Variants in CECR2 observed in about 807,000 individuals in gnomAD.
CECR2 encodes the protein CECR2 histone acetyl-lysine reader.
Under a neutral mutation model 154.5 loss-of-function variants are expected in CECR2, and 30 were observed. The ratio of observed to expected loss-of-function variants is 0.19; its 90% CI spans 0.15 to 0.26. CECR2 has a LOEUF of 0.26. Ranked by LOEUF, CECR2 falls within the 10% of genes least tolerant of loss-of-function variation. The pLI, the probability that CECR2 is intolerant of heterozygous loss-of-function variation, is 1.00. For missense variants in CECR2, 1,743 were observed against 1,829.3 expected, an observed-to-expected ratio of 0.95 and a Z score of 0.86; for synonymous variants, 725 against 683.7, an observed-to-expected ratio of 1.06 and a Z score of -0.94.
At position 17,549,783 on chromosome 22, in the gene CECR2, G is replaced by GTTTTTT. The variant is rs1491166897; in HGVS notation, c.4277+219_4277+220insTTTTTT. Among the ~76,000 whole-genome samples, 24 of 88,826 alleles carry GTTTTTT rather than the reference G, an allele frequency of 2.7e-4. 9 individuals are homozygous for GTTTTTT. The highest frequency in any genetic ancestry group is 2.8e-4 in the Admixed American group (2 of 7,076). 58.3% of individuals were successfully genotyped at this position (88,826 alleles called of 152,430 possible). On this transcript the variant is annotated intron_variant, in intron 17 of 18. Transcript: ENST00000262608. ...TGCCACCACACCCAGCTAACTTTTT[G>GTTTTTT]GTTTTTTTTTTTTTTTTTTTTTGGT...
chr22:17,522,855 A>C (rs545026643), intron 8 of CECR2, among the ~76,000 whole-genome samples: 2 of 152,138 alleles, frequency 1.3e-5, no homozygotes, highest in Non-Finnish European at 2.9e-5. Flanking sequence ...AAATACAAAA[A>C]TTAGCTAGGC....
chr22:17,481,875 G>A (rs918155131), intron 2 of CECR2, among the ~76,000 whole-genome samples: 3 of 152,082 alleles, frequency 2.0e-5, no homozygotes, highest in African/African-American at 7.2e-5. Flanking sequence ...CTAGCACTTT[G>A]GGAGGCCGAG....
intron 7 of CECR2, among the ~76,000 whole-genome samples, chr22:17,506,978 GGTT>G (rs1223766256): frequency 6.6e-6 from 1 of 152,048 alleles, no homozygotes; most frequent in Non-Finnish European, 1.5e-5. Context: ...TATGGTGGTT[GGTT>G]GATAATTATT....
chr22:17,396,487 C>T (rs1012663570), intron 1 of CECR2, among the ~76,000 whole-genome samples: 2 of 152,130 alleles, frequency 1.3e-5, no homozygotes, highest in Non-Finnish European at 1.5e-5. Flanking sequence ...GCGGAGGTTG[C>T]GGTGAGCCGG....
At position 17,553,011 on chromosome 22, in the gene CECR2, T is replaced by C; in HGVS notation, c.*171T>C. ...CCAGTCACGGGCCCTAAAAGGACAC[T>C]CCTTAGATGACTGACACACAGATTG... On this transcript the variant is annotated 3_prime_UTR_variant, in exon 19 of 19. Coordinates refer to ENST00000262608, the MANE Select transcript of CECR2 (RefSeq NM_001290047.2). The C allele has an allele frequency of 7.1e-7, 1 of 1,409,366 alleles. No homozygotes were observed. The highest frequency in any genetic ancestry group is 9.2e-7 in the Non-Finnish European group (1 of 1,081,128). The allele number at this position is 1,409,366 out of a possible 1,614,324, so 87.3% of individuals were successfully genotyped here.
chr22:17,426,735 T>A (rs931484954), intron 1 of CECR2, among the ~76,000 whole-genome samples: 8 of 152,218 alleles, frequency 5.3e-5, no homozygotes, highest in African/African-American at 1.9e-4. Flanking sequence ...TCTTTTTCTG[T>A]AGATTTTCCC....
intron 10 of CECR2, among the ~76,000 whole-genome samples, chr22:17,537,989 G>A (rs1361623267): frequency 2.1e-5 from 3 of 145,774 alleles, no homozygotes; most frequent in African/African-American, 5.1e-5. Context: ...GTGAGACTCC[G>A]TCCAAAAAAA....
At chr22:17,436,826 G>C (rs1053957747) in intron 1 of CECR2, among the ~76,000 whole-genome samples, 1 of 152,202 alleles carries the variant, frequency 6.6e-6, no homozygotes, top group African/African-American at 2.4e-5. Context: ...GTTTCCTTAA[G>C]TGAGCTAAGC....
At chr22:17,523,237 G>T (rs1363224965) in intron 8 of CECR2, among the ~76,000 whole-genome samples, 1 of 151,954 alleles carries the variant, frequency 6.6e-6, no homozygotes, top group Non-Finnish European at 1.5e-5. Flanking sequence ...ACAAAAATTA[G>T]CTGGGCGTGG....
At chr22:17,500,165 C>T (rs969742483) in intron 4 of CECR2, among the ~76,000 whole-genome samples, 10 of 146,936 alleles carry the variant, frequency 6.8e-5, no homozygotes, top group Non-Finnish European at 1.2e-4. Flanking sequence ...GAGCCGAGAT[C>T]GCACCACTGC....
At chr22:17,455,947 T>C (rs906073887) in intron 1 of CECR2, among the ~76,000 whole-genome samples, 1 of 152,126 alleles carries the variant, frequency 6.6e-6, no homozygotes, top group Admixed American at 6.6e-5. Context: ...AGTGAAGGTA[T>C]TAGCTGAGGC....
intron 3 of CECR2, 28 bp downstream of exon 3, chr22:17,497,614 G>A (rs2055654879): frequency 6.2e-7 from 1 of 1,606,050 alleles, no homozygotes; most frequent in East Asian, 2.2e-5. Flanking sequence ...ACCTTTCCCT[G>A]TAGCTGTGAA....
chr22:17,387,423 G>T (rs1193892072), intron 1 of CECR2, among the ~76,000 whole-genome samples: 3 of 152,208 alleles, frequency 2.0e-5, no homozygotes, highest in Non-Finnish European at 4.4e-5. Context: ...AAGCTGAAAG[G>T]TCATGGTGAG....
At chr22:17,392,697 C>A (rs1479001123) in intron 1 of CECR2, among the ~76,000 whole-genome samples, 3 of 150,852 alleles carry the variant, frequency 2.0e-5, no homozygotes, top group South Asian at 4.2e-4. Context: ...AAAAAAAAAA[C>A]AGCTTTATTG....
rs571465682 is a variant in CECR2 at position 17,527,445 on chromosome 22, G to A, written c.1108+3174G>A. On this transcript the variant is annotated intron_variant, in intron 9 of 18. Coordinates refer to ENST00000262608, the MANE Select transcript of CECR2 (RefSeq NM_001290047.2). Reference sequence around the variant, plus strand: ...TGCACTCCATCCTGGGCAATAGAGCGAGACCCTGTCTCAAAAAAATAAAAA... The same window carrying A: ...TGCACTCCATCCTGGGCAATAGAGCAAGACCCTGTCTCAAAAAAATAAAAA... 5.9e-5 allele frequency among the ~76,000 whole-genome samples: 9 copies of A among 151,750 alleles called. No homozygotes were observed. The East Asian group carries it at 9.7e-4, about 16-fold the overall frequency.
chr22:17,381,742 G>T (rs1402957209), intron 1 of CECR2, among the ~76,000 whole-genome samples: 1 of 152,120 alleles, frequency 6.6e-6, no homozygotes, highest in East Asian at 1.9e-4. Flanking sequence ...TGTTTGCCCA[G>T]TGAGCGATAG....
At chr22:17,398,254 GGGCCCA>G (rs1432686128) in intron 1 of CECR2, among the ~76,000 whole-genome samples, 27 of 152,056 alleles carry the variant, frequency 1.8e-4, no homozygotes, top group African/African-American at 6.5e-4. Context: ...AGGGAGCGTT[GGGCCCA>G]AGAAAGCTGG....
chr22:17,381,132 T>G (rs8140339), intron 1 of CECR2, among the ~76,000 whole-genome samples: 1 of 151,186 alleles, frequency 6.6e-6, no homozygotes, highest in Admixed American at 6.6e-5. Context: ...AAAGAAAAAA[T>G]TTCACCTGTT....
intron 16 of CECR2, among the ~76,000 whole-genome samples, chr22:17,545,572 C>T (rs1485132816): frequency 1.3e-5 from 2 of 151,720 alleles, no homozygotes; most frequent in Admixed American, 6.6e-5. Context: ...TGGCTGAGCA[C>T]GGTGGCTCAC....
Sources: allele counts gnomAD v4.1 joint callset (sites outside exome capture counted in the v4.1 genomes callset), GRCh38; gene constraint gnomAD v4.1.1; transcripts MANE v1.5; gene names NCBI Gene and HGNC (gene_info 2026-07-23, HGNC 2026-07-21).